Variants in GPAT3 observed in about 807,000 individuals in gnomAD.
GPAT3 encodes the protein glycerol-3-phosphate acyltransferase 3.
A neutral mutation model predicts 58.8 loss-of-function variants in GPAT3; 53 were observed. The observed-to-expected ratio is 0.90, with a 90% confidence interval of 0.72 to 1.13. The LOEUF (loss-of-function observed/expected upper bound fraction) is 1.13, where lower values mean the gene tolerates loss of function less well. Among genes scored for constraint, GPAT3 ranks in the 50% most tolerant of loss-of-function variants. The pLI, the probability that GPAT3 is intolerant of heterozygous loss-of-function variation, is 0.00. For synonymous variants in GPAT3, 197 were observed against 187.4 expected, an observed-to-expected ratio of 1.05 and a Z score of -0.42; for missense variants, 511 against 527.6, an observed-to-expected ratio of 0.97 and a Z score of 0.31.
chr4:83,581,618 A>G lies in GPAT3; in HGVS notation c.265A>G (p.Arg89Gly), dbSNP rs1156305586. The G allele has an allele frequency of 1.2e-6, 2 of 1,614,166 alleles. No homozygotes were observed. The highest frequency in any genetic ancestry group is 8.5e-7 in the Non-Finnish European group (1 of 1,180,014). The change falls in exon 3 of 12, where the codon AGG (arginine) becomes GGG (glycine). Residue 89 changes from arginine to glycine, a missense_variant. Physicochemically the swap from Arg to Gly is moderately radical, Grantham distance 125. Transcript: ENST00000264409. ...MEKGLSGLRG[R>G]DFELSDVFYF... The stretch of plus-strand genomic sequence containing the variant: ...AAAAGGGCTCTCTGGTCTACGAGGA[A>G]GGGACTTTGAGCTGTCTGACGTGTT...
intron 1 of GPAT3, among the ~76,000 whole-genome samples, chr4:83,537,268 T>G (rs1452151568): frequency 6.6e-6 from 1 of 152,200 alleles, no homozygotes; most frequent in African/African-American, 2.4e-5. Flanking sequence ...TTTATTTTAG[T>G]GGAGTCATGG....
At chr4:83,597,290 G>A (rs1726878485) in intron 8 of GPAT3, 140 bp from the exon 9 acceptor site, 1 of 509,420 alleles carries the variant, frequency 2.0e-6, no homozygotes, top group South Asian at 4.9e-5. Flanking sequence ...CTTGGCAGGG[G>A]TTCGTTTGTG....
At chr4:83,550,127 G>A (rs1724700294) in intron 2 of GPAT3, among the ~76,000 whole-genome samples, 1 of 152,008 alleles carries the variant, frequency 6.6e-6, no homozygotes, top group African/African-American at 2.4e-5. Context: ...GGCCCCCTAG[G>A]TGCTAGGATT....
chr4:83,563,478 C>CTTTTTTTTTTTTTTTTTTTTTTTTTTTT (rs908400401), intron 2 of GPAT3, among the ~76,000 whole-genome samples: 2 of 114,478 alleles, frequency 1.7e-5, no homozygotes, highest in Non-Finnish European at 3.7e-5. Flanking sequence ...TTTCTTTCTT[C>CTTTTTTTTTTTTTTTTTTTTTTTTTTTT]TTTTTTTTTT....
At chr4:83,540,081 C>T (rs925714384) in intron 1 of GPAT3, among the ~76,000 whole-genome samples, 1 of 151,138 alleles carries the variant, frequency 6.6e-6, no homozygotes, top group African/African-American at 2.4e-5. Flanking sequence ...CACTTGAACC[C>T]GGGAGGCAGA....
intron 2 of GPAT3, among the ~76,000 whole-genome samples, chr4:83,572,665 A>C (rs372982960): frequency 6.6e-6 from 1 of 152,242 alleles, no homozygotes; most frequent in South Asian, 2.1e-4. Context: ...ATCCTTTTAC[A>C]TACTTCAGGA....
chr4:83,566,446 A>ATTTTTT (rs1725390362), intron 2 of GPAT3, among the ~76,000 whole-genome samples: 1 of 148,372 alleles, frequency 6.7e-6, no homozygotes, highest in African/African-American at 2.5e-5. Context: ...TATTATTATT[A>ATTTTTT]TTTTTAATAG....
At chr4:83,574,897 A>ATTTTTTTT (rs1725742995) in intron 2 of GPAT3, among the ~76,000 whole-genome samples, 1 of 69,108 alleles carries the variant, frequency 1.4e-5, no homozygotes, top group African/African-American at 5.5e-5. Flanking sequence ...TTTTTTTTTG[A>ATTTTTTTT]GACGGAGTCT....
chr4:83,553,017 C>G (rs750430293), intron 2 of GPAT3, among the ~76,000 whole-genome samples: 7 of 152,190 alleles, frequency 4.6e-5, no homozygotes, highest in Non-Finnish European at 7.3e-5. Context: ...TCTTGGACTT[C>G]TAGCCTCCAG....
At chr4:83,596,607 G>GT (rs997324100) in intron 7 of GPAT3, among the ~76,000 whole-genome samples, 51 of 152,072 alleles carry the variant, frequency 3.4e-4, no homozygotes, top group Non-Finnish European at 1.5e-4. Context: ...GGATGAAAGA[G>GT]TGAGACCCCA....
intron 2 of GPAT3, among the ~76,000 whole-genome samples, chr4:83,560,179 A>G (rs1402721453): frequency 1.3e-5 from 2 of 152,190 alleles, no homozygotes; most frequent in East Asian, 3.9e-4. Flanking sequence ...TTGATTGCCT[A>G]GAGGCCCATG....
At chr4:83,547,363 C>T (rs546223815) in intron 2 of GPAT3, among the ~76,000 whole-genome samples, 2 of 150,520 alleles carry the variant, frequency 1.3e-5, no homozygotes, top group African/African-American at 2.5e-5. Context: ...CGCCATTCTC[C>T]TGCCTCAGCC....
intron 2 of GPAT3, among the ~76,000 whole-genome samples, chr4:83,579,039 T>C (rs1251727384): frequency 0.034 from 1,061 of 30,780 alleles, 135 homozygotes; most frequent in African/African-American, 0.11. Context: ...TCTTTCTTTC[T>C]TTCTTTCTTT....
chr4:83,569,896 G>A (rs1001151283), intron 2 of GPAT3, among the ~76,000 whole-genome samples: 1 of 152,134 alleles, frequency 6.6e-6, no homozygotes, highest in African/African-American at 2.4e-5. Flanking sequence ...ACGTGTAAGT[G>A]AATTGTAAGT....
At chr4:83,549,911 T>A (rs1359487292) in intron 2 of GPAT3, among the ~76,000 whole-genome samples, 1 of 151,730 alleles carries the variant, frequency 6.6e-6, no homozygotes, top group Non-Finnish European at 1.5e-5. Flanking sequence ...TTAGTAGAGA[T>A]GGGGTTTCAC....
Position 83,605,427 on chromosome 4 carries a change from A to G in GPAT3, c.*660A>G, listed in dbSNP as rs1311153604. ...CTCGTAGACCACATTTTAACCAGCA[A>G]CTGGTAACAAAGAGCTTAGTTTTCC... On this transcript the variant is annotated 3_prime_UTR_variant, in exon 12 of 12. Coordinates refer to ENST00000264409, the MANE Select transcript of GPAT3 (RefSeq NM_032717.5). 3 of 152,224 alleles carry G rather than the reference A, an allele frequency of 2.0e-5. No individual in the cohort carries two copies. Among genetic ancestry groups the G allele is most frequent in the South Asian group, 2.1e-4 (1 of 4,832 alleles). 9.4% of individuals were successfully genotyped at this position (152,224 alleles called of 1,614,324 possible). A position where few individuals can be genotyped will look rare whatever the true frequency, so the allele number is the denominator to read the frequency against.
At chr4:83,551,311 A>G (rs544061307) in intron 2 of GPAT3, among the ~76,000 whole-genome samples, 1 of 152,294 alleles carries the variant, frequency 6.6e-6, no homozygotes, top group Admixed American at 6.5e-5. Context: ...TATATAGTAT[A>G]ATAACATTTA....
chr4:83,548,844 G>A (rs927967480), intron 2 of GPAT3, among the ~76,000 whole-genome samples: 7 of 152,194 alleles, frequency 4.6e-5, no homozygotes, highest in Non-Finnish European at 1.0e-4. Context: ...CACTCAAAAA[G>A]GAGAAGGTAC....
chr4:83,597,006 A>G lies in GPAT3; in HGVS notation c.910+93A>G, dbSNP rs972923763. On this transcript the variant is annotated intron_variant, in intron 8 of 11. Transcript: ENST00000264409. ...GAATTGCCATAGAATTGGCAACCTT[A>G]GCCCAGATCTCTGCCCTTAGAGGAA... 14 of 1,121,284 alleles carry G rather than the reference A, an allele frequency of 1.2e-5. No individual in the cohort carries two copies. In the African/African-American group the frequency reaches 2.1e-4, roughly 17 times the overall value. The allele number at this position is 1,121,284 out of a possible 1,614,324, so 69.5% of individuals were successfully genotyped here.
Sources: allele counts gnomAD v4.1 joint callset (sites outside exome capture counted in the v4.1 genomes callset), GRCh38; gene constraint gnomAD v4.1.1; transcripts MANE v1.5; gene names NCBI Gene and HGNC (gene_info 2026-07-23, HGNC 2026-07-21).